Variants in SYN3 observed in about 807,000 individuals in gnomAD.
The protein encoded by SYN3 is synapsin-3.
Under a neutral mutation model 65.8 loss-of-function variants are expected in SYN3, and 35 were observed. The observed-to-expected ratio is 0.53, with a 90% confidence interval of 0.41 to 0.70. The LOEUF (loss-of-function observed/expected upper bound fraction) is 0.70, where lower values mean the gene tolerates loss of function less well. SYN3 is among the 30% of genes least tolerant of loss of function. The pLI is 0.00. For synonymous variants in SYN3, 270 were observed against 292.9 expected (o/e 0.92, Z 0.80); for missense variants, 680 against 749.0 (o/e 0.91, Z 1.08).
chr22:32,742,228 A>T (rs2044794290), intron 6 of SYN3, among the ~76,000 whole-genome samples: 1 of 152,158 alleles, frequency 6.6e-6, no homozygotes, highest in African/African-American at 2.4e-5. Context: ...GTGAGCCAAG[A>T]TCGCACCACT....
intron 6 of SYN3, among the ~76,000 whole-genome samples, chr22:32,673,713 A>G (rs2060403062): frequency 6.6e-6 from 1 of 152,180 alleles, no homozygotes; most frequent in Non-Finnish European, 1.5e-5. Context: ...CGTATTCTAG[A>G]CAGAAGGATT....
chr22:32,742,677 G>C (rs995486003), intron 6 of SYN3, among the ~76,000 whole-genome samples: 1 of 152,200 alleles, frequency 6.6e-6, no homozygotes, highest in Non-Finnish European at 1.5e-5. Flanking sequence ...ATTTAGCTCT[G>C]CCTGAGTCCA....
chr22:32,869,857 T>C (rs894064245), intron 4 of SYN3, among the ~76,000 whole-genome samples: 2 of 151,992 alleles, frequency 1.3e-5, no homozygotes, highest in African/African-American at 4.8e-5. Context: ...TCTCCCCATT[T>C]TATAGATGGG....
At chr22:32,932,466 T>C (rs958863655) in intron 3 of SYN3, among the ~76,000 whole-genome samples, 36 of 152,278 alleles carry the variant, frequency 2.4e-4, no homozygotes, top group Non-Finnish European at 3.8e-4. Context: ...GTATCTTTAA[T>C]GCACAAACCA....
At chr22:32,551,011 T>C (rs1440479115) in intron 7 of SYN3, among the ~76,000 whole-genome samples, 1 of 152,214 alleles carries the variant, frequency 6.6e-6, no homozygotes, top group Non-Finnish European at 1.5e-5. Context: ...AAAAAGATCA[T>C]TGGTCATGTT....
At chr22:32,710,299 C>T (rs1482464901) in intron 6 of SYN3, among the ~76,000 whole-genome samples, 1 of 151,364 alleles carries the variant, frequency 6.6e-6, no homozygotes, top group African/African-American at 2.4e-5. Context: ...CACCTTGGAG[C>T]TGTTGTCAAG....
At chr22:32,955,463 G>A (rs1236055539) in intron 3 of SYN3, among the ~76,000 whole-genome samples, 1 of 151,984 alleles carries the variant, frequency 6.6e-6, no homozygotes. Context: ...GGGGATGAGG[G>A]GCCCAGGCAA....
intron 6 of SYN3, among the ~76,000 whole-genome samples, chr22:32,657,420 G>A (rs1053505906): frequency 6.6e-6 from 1 of 150,574 alleles, no homozygotes; most frequent in Non-Finnish European, 1.5e-5. Flanking sequence ...ACCGCGCCCG[G>A]CCCGAGCCAC....
Position 32,647,357 on chromosome 22 carries a change from G to A in SYN3, c.712-50621C>T, listed in dbSNP as rs113751496. On this transcript the variant is annotated intron_variant, in intron 6 of 13. Transcript: ENST00000358763. ...CTGGTGGCATCTGAGATGATGTTTG[G>A]TGATGCTTGAAAATAGCATCAACAG... Among the ~76,000 whole-genome samples the A allele has an allele frequency of 6.3e-3, 955 of 152,298 alleles. 5 individuals carry two copies. The highest frequency in any genetic ancestry group is 0.01 in the Non-Finnish European group (689 of 68,016).
chr22:32,722,773 G>A (rs527407220), intron 6 of SYN3, among the ~76,000 whole-genome samples: 1 of 152,324 alleles, frequency 6.6e-6, no homozygotes, highest in African/African-American at 2.4e-5. Flanking sequence ...CTAGGAAGGT[G>A]GCTTTGGAGC....
At chr22:32,748,973 T>C (rs1360299753) in intron 6 of SYN3, among the ~76,000 whole-genome samples, 1 of 152,130 alleles carries the variant, frequency 6.6e-6, no homozygotes, top group Non-Finnish European at 1.5e-5. Context: ...CTGGGACATT[T>C]TGCCCCCGCT....
At chr22:32,855,667 G>A (rs1205465965) in intron 6 of SYN3, among the ~76,000 whole-genome samples, 1 of 152,120 alleles carries the variant, frequency 6.6e-6, no homozygotes, top group African/African-American at 2.4e-5. Flanking sequence ...GACATTTGGG[G>A]CCGGATAATT....
chr22:32,564,956 GACT>G (rs2058646755), intron 7 of SYN3, among the ~76,000 whole-genome samples: 2 of 94,850 alleles, frequency 2.1e-5, no homozygotes, highest in South Asian at 4.4e-4. Flanking sequence ...AGTGCTCCTG[GACT>G]GCACCCAAAC....
intron 4 of SYN3, among the ~76,000 whole-genome samples, chr22:32,885,203 T>G (rs1310156117): frequency 6.6e-6 from 1 of 152,082 alleles, no homozygotes; most frequent in Non-Finnish European, 1.5e-5. Context: ...TTATATCTTC[T>G]GAATATGAAG....
chr22:32,795,841 T>C (rs1377340466), intron 6 of SYN3, among the ~76,000 whole-genome samples: 2 of 152,194 alleles, frequency 1.3e-5, no homozygotes, highest in Non-Finnish European at 2.9e-5. Flanking sequence ...AACTGCTCTT[T>C]GGACTGTCCC....
chr22:32,919,150 C>A (rs1356979308), intron 4 of SYN3, among the ~76,000 whole-genome samples: 1 of 152,190 alleles, frequency 6.6e-6, no homozygotes, highest in Non-Finnish European at 1.5e-5. Flanking sequence ...TGCCACTTAC[C>A]TGTGTGCATG....
chr22:32,620,047 T>C (rs961570662), intron 6 of SYN3, among the ~76,000 whole-genome samples: 1 of 152,238 alleles, frequency 6.6e-6, no homozygotes, highest in African/African-American at 2.4e-5. Flanking sequence ...AGACTAGAAG[T>C]GCCACTTAGC....
rs148857932 is a variant in SYN3 at position 32,931,443 on chromosome 22, G to A, written c.408C>T (p.Thr136=). Reference sequence around the variant, plus strand: ...CCTGCATGTCCACCATGCAGCCCCCGGTCACATAGGCAGCTAGGTTCAACT... The same window carrying A: ...CCTGCATGTCCACCATGCAGCCCCCAGTCACATAGGCAGCTAGGTTCAACT... ...FSELNLAAYV[T]GGCMVDMQVV... The change falls in exon 4 of 14, where the codon ACC becomes ACT. Residue 136 remains threonine (T), a synonymous_variant. Transcript: ENST00000358763. 2,738 of 1,613,846 alleles carry A rather than the reference G, an allele frequency of 1.7e-3. 23 individuals are homozygous for A. Among genetic ancestry groups the A allele is most frequent in the East Asian group, 0.015 (675 of 44,870 alleles).
At chr22:32,819,619 C>T (rs1348580451) in intron 6 of SYN3, among the ~76,000 whole-genome samples, 3 of 152,162 alleles carry the variant, frequency 2.0e-5, no homozygotes, top group African/African-American at 7.2e-5. Context: ...GCCTCTACAG[C>T]CTGTTCCCCT....
Sources: gnomAD v4.1 joint callset for allele counts (sites outside exome capture counted in the v4.1 genomes callset) on GRCh38, gnomAD v4.1.1 for gene constraint, MANE v1.5 for transcripts, NCBI Gene and HGNC (gene_info 2026-07-23, HGNC 2026-07-21) for gene names.